Variants in RPA3 observed in about 807,000 individuals in gnomAD.
The protein encoded by RPA3 is replication protein A 14 kDa subunit.
In RPA3, 24 loss-of-function variants were observed where a neutral mutation model predicts 13.7. The observed-to-expected ratio is 1.75, with a 90% CI of 1.27 to 2.46. The LOEUF (loss-of-function observed/expected upper bound fraction) is 2.46. RPA3 is among the 30% of genes most tolerant of loss of function. The pLI is 0.00. For synonymous variants in RPA3, 59 were observed against 51.2 expected (o/e 1.15, Z -0.65); for missense variants, 183 against 151.0 (o/e 1.21, Z -1.11).
intron 7 of RPA3, 23 bp from the exon 8 acceptor site, chr7:7,637,105 C>T (rs768860538): frequency 6.8e-7 from 1 of 1,477,144 alleles, no homozygotes; most frequent in Non-Finnish European, 9.5e-7. Context: ...TTTAAGCAAA[C>T]ATTTAATCTA....
chr7:7,682,009 T>G lies in RPA3; in HGVS notation c.-758+3821A>C, dbSNP rs572983265. ...AAAGGAACAATTTAGATATTGTTGTTGGTTCACTAATATTGTTGACCAAAT... is the reference window on the plus strand; with the variant it reads ...AAAGGAACAATTTAGATATTGTTGTGGGTTCACTAATATTGTTGACCAAAT... On this transcript the variant is annotated intron_variant, in intron 4 of 7. Coordinates refer to ENST00000223129, the MANE Select transcript of RPA3 (RefSeq NM_002947.5). Among the ~76,000 whole-genome samples, 270 of 152,298 alleles carry G rather than the reference T, an allele frequency of 1.8e-3. 1 individual carries two copies. The highest frequency in any genetic ancestry group is 9.3e-4 in the Non-Finnish European group (63 of 68,014).
chr7:7,638,967 C>A (rs1376630202), intron 6 of RPA3, 103 bp downstream of exon 6: 3 of 823,636 alleles, frequency 3.6e-6, no homozygotes, highest in Non-Finnish European at 5.4e-6. Context: ...ACCAGCTCAT[C>A]CTTTTTAAAT....
intron 2 of RPA3, among the ~76,000 whole-genome samples, chr7:7,699,334 C>T (rs563875573): frequency 6.6e-6 from 1 of 152,162 alleles, no homozygotes; most frequent in East Asian, 1.9e-4. Flanking sequence ...TATATTTATG[C>T]TTTAATCACT....
chr7:7,694,300 G>A (rs947205308), intron 2 of RPA3, among the ~76,000 whole-genome samples: 19 of 151,856 alleles, frequency 1.3e-4, no homozygotes, highest in African/African-American at 4.6e-4. Flanking sequence ...TTTGATACAG[G>A]CATACACATA....
chr7:7,699,527 T>G (rs1361224229), intron 2 of RPA3, among the ~76,000 whole-genome samples: 1 of 152,218 alleles, frequency 6.6e-6, no homozygotes, highest in African/African-American at 2.4e-5. Context: ...AAGTTTCACT[T>G]TAGAAACTGC....
At chr7:7,640,089 G>T (rs867775700) in intron 5 of RPA3, 1 of 552,832 alleles carries the variant, frequency 1.8e-6, no homozygotes, top group Non-Finnish European at 3.2e-6. Flanking sequence ...GAGGCGACGG[G>T]CACTGGAATT....
intron 2 of RPA3, among the ~76,000 whole-genome samples, chr7:7,708,580 A>C (rs1780667346): frequency 6.6e-6 from 1 of 152,200 alleles, no homozygotes; most frequent in Non-Finnish European, 1.5e-5. Context: ...GGAAACCTTT[A>C]AAAATAAGTC....
intron 4 of RPA3, among the ~76,000 whole-genome samples, chr7:7,672,323 A>G (rs995142296): frequency 2.6e-5 from 4 of 152,176 alleles, no homozygotes; most frequent in Non-Finnish European, 5.9e-5. Flanking sequence ...ATGTATAACA[A>G]TGGGAATAGT....
intron 4 of RPA3, among the ~76,000 whole-genome samples, chr7:7,665,372 T>C (rs1467836662): frequency 6.6e-6 from 1 of 152,210 alleles, no homozygotes; most frequent in Non-Finnish European, 1.5e-5. Context: ...TTTCTAGTTT[T>C]GTGTGATGCA....
At chr7:7,641,844 T>G (rs1784980608) in intron 4 of RPA3, 1 of 152,212 alleles carries the variant, frequency 6.6e-6, no homozygotes, top group Admixed American at 6.5e-5. Context: ...AGACTTCACG[T>G]GGCAATTTAA....
intron 2 of RPA3, among the ~76,000 whole-genome samples, chr7:7,705,953 T>C (rs978795150): frequency 3.9e-5 from 6 of 152,274 alleles, no homozygotes; most frequent in African/African-American, 1.4e-4. Context: ...CTAAAACTGC[T>C]CTAAAAAATA....
chr7:7,682,990 G>A (rs538640413), intron 4 of RPA3, among the ~76,000 whole-genome samples: 12 of 152,130 alleles, frequency 7.9e-5, no homozygotes, highest in Non-Finnish European at 1.3e-4. Context: ...TCAGTTTTTC[G>A]GAGGTGAAAA....
intron 2 of RPA3, among the ~76,000 whole-genome samples, chr7:7,691,230 A>G (rs1407314957): frequency 6.6e-6 from 1 of 152,234 alleles, no homozygotes; most frequent in Non-Finnish European, 1.5e-5. Flanking sequence ...TCAAGCAAGT[A>G]TTAGGCAGGT....
intron 5 of RPA3, 64 bp from the exon 6 acceptor site, chr7:7,639,208 T>C: frequency 1.6e-6 from 2 of 1,229,340 alleles, no homozygotes; most frequent in South Asian, 2.6e-5. Context: ...TAAAGATGAG[T>C]ACATTGATCC....
chr7:7,708,695 T>A (rs1224932132), intron 2 of RPA3, among the ~76,000 whole-genome samples: 1 of 152,194 alleles, frequency 6.6e-6, no homozygotes, highest in Non-Finnish European at 1.5e-5. Context: ...TAAAATTATA[T>A]TTTATAATTA....
intron 4 of RPA3, among the ~76,000 whole-genome samples, chr7:7,656,966 C>T (rs1186416782): frequency 6.6e-6 from 1 of 151,450 alleles, no homozygotes; most frequent in African/African-American, 2.5e-5. Context: ...TACACATCCT[C>T]TCCAGCATCT....
chr7:7,698,125 G>A (rs1031125360), intron 2 of RPA3, among the ~76,000 whole-genome samples: 7 of 152,224 alleles, frequency 4.6e-5, no homozygotes, highest in Admixed American at 2.6e-4. Flanking sequence ...GTTAGACACT[G>A]TGCTGACAGG....
intron 4 of RPA3, among the ~76,000 whole-genome samples, chr7:7,656,168 A>G (rs1416470598): frequency 2.0e-5 from 3 of 152,112 alleles, no homozygotes; most frequent in African/African-American, 4.8e-5. Flanking sequence ...GGTTACCGCC[A>G]CTACTTTTAT....
intron 2 of RPA3, among the ~76,000 whole-genome samples, chr7:7,702,762 T>TC (rs1300101420): frequency 6.6e-6 from 1 of 152,126 alleles, no homozygotes; most frequent in Non-Finnish European, 1.5e-5. Flanking sequence ...GACAAGCCAC[T>TC]CCATCTGCCA....
Sources: allele counts gnomAD v4.1 joint callset (sites outside exome capture counted in the v4.1 genomes callset), GRCh38; gene constraint gnomAD v4.1.1; transcripts MANE v1.5; gene names NCBI Gene and HGNC (gene_info 2026-07-23, HGNC 2026-07-21).